The following NOP9 variants were observed in gnomAD, a reference collection of about 807,000 sequenced individuals.
The protein encoded by NOP9 is NOP9 nucleolar protein, also known as nucleolar protein 9.
In NOP9, 50 loss-of-function variants were observed where a neutral mutation model predicts 63.0. The observed-to-expected ratio is 0.79, with a 90% CI of 0.63 to 1.00. NOP9 has a LOEUF of 1.00. Ranked by LOEUF, NOP9 falls within the 50% of genes least tolerant of loss-of-function variation. The probability of loss-of-function intolerance (pLI) is 0.00; values close to 1 mark genes in which losing one functional copy is unlikely to be tolerated. For synonymous variants in NOP9, 343 were observed against 332.8 expected, an observed-to-expected ratio of 1.03 and a Z score of -0.33; for missense variants, 758 against 803.0, an observed-to-expected ratio of 0.94 and a Z score of 0.68.
the NOP9 span, chr14:24,292,137 A>C: frequency 6.2e-7 from 1 of 1,611,866 alleles, no homozygotes; most frequent in Non-Finnish European, 8.5e-7. Flanking sequence ...GAGGATGCAG[A>C]GGCCGACTCC....
chr14:24,300,132 G>T lies in NOP9; in HGVS notation c.178G>T (p.Glu60Ter). 5.0e-6 allele frequency: 8 copies of T among 1,613,918 alleles called. No individual in the cohort carries two copies. Among genetic ancestry groups the T allele is most frequent in the Non-Finnish European group, 6.8e-6 (8 of 1,179,994 alleles). The stretch of plus-strand genomic sequence containing the variant: ...AGATTCGCACCCGCACCTGAGCCCG[G>T]AAGCTCTGGGATATTTCCGCCGGGC... ...APDSHPHLSP[E>*]ALGYFRRALS... The change falls in exon 1 of 10, where the codon GAA becomes TAA. Residue 60 changes from glutamate (E) to a stop codon, truncating the protein, a stop_gained. Coordinates refer to ENST00000267425, the MANE Select transcript of NOP9 (RefSeq NM_174913.3). LOFTEE classifies it high-confidence loss of function.
chr14:24,284,303 G>A, the NOP9 span, among the ~76,000 whole-genome samples: 2 of 152,172 alleles, frequency 1.3e-5, no homozygotes, highest in African/African-American at 4.8e-5. Flanking sequence ...GAAGCACTTT[G>A]AGAGCTGGAC....
At chr14:24,278,725 A>G in the NOP9 span, among the ~76,000 whole-genome samples, 7,463 of 152,316 alleles carry the variant, frequency 0.049, 246 homozygotes, top group South Asian at 0.087. Context: ...AAGCACTAAC[A>G]TGACTTTGGG....
At chr14:24,300,940 T>C in intron 2 of NOP9, 83 bp downstream of exon 2, 1 of 1,132,856 alleles carries the variant, frequency 8.8e-7, no homozygotes, top group Non-Finnish European at 1.3e-6. Flanking sequence ...GAAGAGTAAG[T>C]CTTCATGGGG....
Position 24,305,758 on chromosome 14 carries a change from G to C in NOP9, c.*663G>C. 1 of 1,613,230 alleles carries C rather than the reference G, an allele frequency of 6.2e-7. No individual in the cohort carries two copies. Among genetic ancestry groups the C allele is most frequent in the Non-Finnish European group, 8.5e-7 (1 of 1,179,718 alleles). On this transcript the variant is annotated 3_prime_UTR_variant, in exon 10 of 10. Transcript: ENST00000267425. ...TGCAGCAGTGTGGAGGTCCAACGAA[G>C]GAGCTCCCTGAATGGCAGAGACAAG...
chr14:24,301,830 C>A, intron 3 of NOP9, 108 bp downstream of exon 3: 1 of 1,477,692 alleles, frequency 6.8e-7, no homozygotes, highest in South Asian at 1.1e-5. Flanking sequence ...CAAACCTGGT[C>A]TGGTTTGACG....
At chr14:24,299,806 T>G (rs921178872), upstream of NOP9, 8 of 1,049,430 alleles carry the variant, frequency 7.6e-6, no homozygotes, top group Non-Finnish European at 1.1e-5. Flanking sequence ...CCCGCCCGGC[T>G]GGGGCGGCGC....
chr14:24,295,647 G>A (rs954406952), upstream of NOP9, among the ~76,000 whole-genome samples: 1 of 152,204 alleles, frequency 6.6e-6, no homozygotes, highest in African/African-American at 2.4e-5. Flanking sequence ...CCTCTCTTTG[G>A]AGGCTATGGT....
upstream of NOP9, among the ~76,000 whole-genome samples, chr14:24,295,512 C>T (rs1053771545): frequency 1.5e-4 from 23 of 152,240 alleles, no homozygotes; most frequent in African/African-American, 5.3e-4. Context: ...CTGTCAGGGG[C>T]TCATCAAGGG....
Position 24,306,250 on chromosome 14 carries a change from C to T in NOP9, c.*1155C>T, listed in dbSNP as rs2041503245. Reference sequence around the variant, plus strand: ...CTTGGACTTTCTGTCCACTGTGTGACATCCTTGACAATTCCACAACTCCTC... The same window carrying T: ...CTTGGACTTTCTGTCCACTGTGTGATATCCTTGACAATTCCACAACTCCTC... On this transcript the variant is annotated 3_prime_UTR_variant, in exon 10 of 10. Coordinates refer to ENST00000267425, the MANE Select transcript of NOP9 (RefSeq NM_174913.3). 1.3e-6 allele frequency: 2 copies of T among 1,524,402 alleles called. No individual in the cohort carries two copies. The highest frequency in any genetic ancestry group is 1.8e-6 in the Non-Finnish European group (2 of 1,110,712). The allele number at this position is 1,524,402 out of a possible 1,614,324, so 94.4% of individuals were successfully genotyped here. A position where few individuals can be genotyped will look rare whatever the true frequency, so the allele number is the denominator to read the frequency against.
the NOP9 span, chr14:24,292,696 G>T: frequency 6.2e-7 from 1 of 1,614,224 alleles, no homozygotes; most frequent in South Asian, 1.1e-5. Flanking sequence ...ATATACTGCA[G>T]GCTTCCTGGG....
upstream of NOP9, among the ~76,000 whole-genome samples, chr14:24,296,334 T>TA (rs1211358297): frequency 6.6e-6 from 1 of 152,064 alleles, no homozygotes; most frequent in Non-Finnish European, 1.5e-5. Context: ...CATTCTCAGG[T>TA]ACAGACTCAC....
At chr14:24,280,047 A>G in the NOP9 span, among the ~76,000 whole-genome samples, 1 of 152,130 alleles carries the variant, frequency 6.6e-6, no homozygotes, top group African/African-American at 2.4e-5. Context: ...TCCCTGTCCC[A>G]TTCATCCATC....
At chr14:24,298,956 C>G (rs764749437), upstream of NOP9, 2 of 1,605,068 alleles carry the variant, frequency 1.2e-6, no homozygotes, top group Non-Finnish European at 1.7e-6. Context: ...GAAGCACTCA[C>G]CTCCTGAGCA....
the NOP9 span, among the ~76,000 whole-genome samples, chr14:24,274,641 C>G: frequency 1.4e-5 from 2 of 148,048 alleles, no homozygotes; most frequent in South Asian, 4.2e-4. Flanking sequence ...GACGGAGTCT[C>G]GTTCTGTCAC....
At chr14:24,291,213 T>C in the NOP9 span, 2 of 1,614,022 alleles carry the variant, frequency 1.2e-6, no homozygotes, top group Admixed American at 1.7e-5. Context: ...GCTCAGGATA[T>C]TGGGATCTGC....
rs933840839 is a variant in NOP9, at chr14:24,306,322, G to C, written c.*1227G>C. The C allele has an allele frequency of 1.6e-4, 259 of 1,609,600 alleles. 1 individual carries two copies. The highest frequency in any genetic ancestry group is 1.5e-3 in the Admixed American group (89 of 59,908). On this transcript the variant is annotated 3_prime_UTR_variant, in exon 10 of 10. Coordinates refer to ENST00000267425, the MANE Select transcript of NOP9 (RefSeq NM_174913.3). ...AGGGTTAAGCTAGAGAGGAAGCCCG[G>C]GAAAGCTCTAAAGGACAGGCATTGG...
chr14:24,301,771 C>T (rs1311769228), intron 3 of NOP9, 49 bp downstream of exon 3: 3 of 1,584,710 alleles, frequency 1.9e-6, no homozygotes, highest in East Asian at 4.5e-5. Context: ...GTCTGGAGGT[C>T]ATCTTACCAC....
At chr14:24,292,496 G>A in the NOP9 span, 1 of 1,494,758 alleles carries the variant, frequency 6.7e-7, no homozygotes, top group Non-Finnish European at 9.1e-7. Flanking sequence ...AGCCAACCAA[G>A]AGGAGCACAA....
Sources: allele counts gnomAD v4.1 joint callset (sites outside exome capture counted in the v4.1 genomes callset), GRCh38; gene constraint gnomAD v4.1.1; transcripts MANE v1.5; gene names NCBI Gene and HGNC (gene_info 2026-07-23, HGNC 2026-07-21).